Variants in SNRPN observed in about 807,000 individuals in gnomAD.
The protein encoded by SNRPN is small nuclear ribonucleoprotein polypeptide N.
In SNRPN, 7 loss-of-function variants were observed where a neutral mutation model predicts 25.2. That is an observed-to-expected ratio of 0.28 (90% CI 0.16 to 0.52). SNRPN has a LOEUF of 0.52. Ranked by LOEUF, SNRPN falls within the 20% of genes least tolerant of loss-of-function variation. The pLI, the probability that SNRPN is intolerant of heterozygous loss-of-function variation, is 0.96. For synonymous variants in SNRPN, 124 were observed against 110.6 expected (o/e 1.12, Z -0.76); for missense variants, 196 against 322.5 (o/e 0.61, Z 3.00).
chr15:24,868,579 G>A (rs984245478), intron 1 of SNRPN, among the ~76,000 whole-genome samples: 8 of 152,200 alleles, frequency 5.3e-5, no homozygotes, highest in Non-Finnish European at 8.8e-5. Context: ...ATGCAAGGTT[G>A]TGTTCACCAG....
At chr15:24,909,752 C>T (rs1378310581) in intron 2 of SNRPN, 19 of 1,269,784 alleles carry the variant, frequency 1.5e-5, no homozygotes, top group Non-Finnish European at 1.6e-5. Context: ...TTTACCCTCT[C>T]ATCATCGTCT....
intron 2 of SNRPN, among the ~76,000 whole-genome samples, chr15:24,891,626 T>C (rs1214584450): frequency 1.3e-5 from 2 of 152,202 alleles, no homozygotes; most frequent in African/African-American, 4.8e-5. Flanking sequence ...TTAGTAGAAA[T>C]GGTGTTTCAC....
At position 24,955,069 on chromosome 15, in the gene SNRPN, T is replaced by G; in HGVS notation, c.-391+7T>G. 1 of 1,613,570 alleles carries G rather than the reference T, an allele frequency of 6.2e-7. No homozygotes were observed. The highest frequency in any genetic ancestry group is 8.5e-7 in the Non-Finnish European group (1 of 1,180,016). The stretch of plus-strand genomic sequence containing the variant: ...ACGCGATGGAGCGGGCAAGGTCAGC[T>G]GTGCCGGTGGCTTCTCTCAAGAGAC... On this transcript the variant is annotated splice_region_variant and intron_variant, in intron 1 of 9. Transcript: ENST00000390687.
At chr15:24,938,236 C>T (rs1374365176) in intron 3 of SNRPN, among the ~76,000 whole-genome samples, 1 of 151,864 alleles carries the variant, frequency 6.6e-6, no homozygotes, top group Non-Finnish European at 1.5e-5. Flanking sequence ...GCTTGATTCT[C>T]CTGCCTCAGC....
In SNRPN at chr15:24,858,643, AT is replaced by A. The variant is rs2053667073; in HGVS notation, c.-579+1928del. Reference sequence around the variant, plus strand: ...AACCCTGTCTACTTAAAAAAAAAAAATACAAAAATTAGCCGGGCATGCTGAT... The same window carrying A: ...AACCCTGTCTACTTAAAAAAAAAAAAACAAAAATTAGCCGGGCATGCTGAT... On this transcript the variant is annotated intron_variant, in intron 1 of 11. Transcript: ENST00000400097. Among the ~76,000 whole-genome samples, 3 of 152,000 alleles carry A rather than the reference AT, an allele frequency of 2.0e-5. No homozygotes were observed. In the South Asian group the frequency reaches 6.2e-4, roughly 32 times the overall value.
At chr15:24,977,193 C>T (rs1241006461) in intron 7 of SNRPN, among the ~76,000 whole-genome samples, 164 bp downstream of exon 7, 1 of 152,194 alleles carries the variant, frequency 6.6e-6, no homozygotes, top group East Asian at 1.9e-4. Context: ...AAACTAGCTG[C>T]TTAAAATGGT....
intron 2 of SNRPN, among the ~76,000 whole-genome samples, chr15:24,888,890 A>AT (rs35423480): frequency 0.25 from 38,346 of 152,038 alleles, 5,230 homozygotes; most frequent in East Asian, 0.44. Context: ...TTTCTGTGAA[A>AT]TTTATGCATC....
chr15:24,834,751 C>CTCTATATATATATATATATA, intron 2 of SNRPN, among the ~76,000 whole-genome samples: 3 of 60,956 alleles, frequency 4.9e-5, no homozygotes, highest in Non-Finnish European at 9.9e-5. Context: ...CTCTCTCTCT[C>CTCTATATATATATATATATA]TATATATATA....
chr15:24,967,071 C>T (rs1347480069), intron 2 of SNRPN: 1 of 152,200 alleles, frequency 6.6e-6, no homozygotes, highest in Non-Finnish European at 1.5e-5. Context: ...ACGGCCTAAA[C>T]ATCTCCCTGC....
At chr15:24,881,522 A>C (rs2056602401) in intron 1 of SNRPN, among the ~76,000 whole-genome samples, 1 of 78,966 alleles carries the variant, frequency 1.3e-5, no homozygotes, top group African/African-American at 6.8e-5. Context: ...CAAGAGCGAA[A>C]CTCCGAGAGA....
At chr15:24,961,984 A>C (rs1013998654) in intron 1 of SNRPN, 130 bp from the exon 2 acceptor site, 6 of 857,908 alleles carry the variant, frequency 7.0e-6, no homozygotes, top group Non-Finnish European at 1.2e-5. Flanking sequence ...ATCTTGTAAT[A>C]ATTTTACCTT....
At chr15:24,894,271 C>T (rs147166559) in intron 2 of SNRPN, among the ~76,000 whole-genome samples, 2,993 of 151,590 alleles carry the variant, frequency 0.02, 44 homozygotes, top group Middle Eastern at 0.034. Context: ...CAGGCTGGAG[C>T]GCAGTGGTGT....
In SNRPN at chr15:24,978,393, T is replaced by C. The variant is rs756640450; in HGVS notation, c.686-14T>C. ...TGTATCCTCTTTTTCTCAATGTTTCTATTTCCTTTCCAGGTCCACCTCCCC... is the reference window on the plus strand; with the variant it reads ...TGTATCCTCTTTTTCTCAATGTTTCCATTTCCTTTCCAGGTCCACCTCCCC... On this transcript the variant is annotated splice_polypyrimidine_tract_variant and intron_variant, in intron 9 of 9. Coordinates refer to ENST00000390687, the MANE Select transcript of SNRPN (RefSeq NM_003097.6). The C allele has an allele frequency of 1.5e-5, 24 of 1,614,022 alleles. No homozygotes were observed. Among genetic ancestry groups the C allele is most frequent in the Non-Finnish European group, 1.8e-5 (21 of 1,179,984 alleles).
chr15:24,842,387 C>A (rs1301065847), intron 2 of SNRPN, among the ~76,000 whole-genome samples: 2 of 152,140 alleles, frequency 1.3e-5, no homozygotes, highest in African/African-American at 2.4e-5. Context: ...AAAGGATGCA[C>A]ATTTATTATT....
chr15:24,881,525 C>CTG (rs2056603134), intron 1 of SNRPN, among the ~76,000 whole-genome samples: 1 of 88,700 alleles, frequency 1.1e-5, no homozygotes, highest in African/African-American at 4.8e-5. Context: ...GAGCGAAACT[C>CTG]CGAGAGAGAG....
chr15:24,888,257 C>T (rs374628290), intron 2 of SNRPN, among the ~76,000 whole-genome samples: 24 of 151,864 alleles, frequency 1.6e-4, no homozygotes, highest in East Asian at 1.2e-3. Context: ...TACAGGTGTC[C>T]GCCACCATGT....
At chr15:24,900,029 G>A (rs936830866) in intron 2 of SNRPN, among the ~76,000 whole-genome samples, 1 of 152,184 alleles carries the variant, frequency 6.6e-6, no homozygotes, top group East Asian at 1.9e-4. Context: ...ATGACATGCA[G>A]TGGTATCACA....
chr15:24,962,083 A>G (rs779030659), intron 1 of SNRPN, 31 bp from the exon 2 acceptor site: 9 of 1,557,572 alleles, frequency 5.8e-6, no homozygotes, highest in Non-Finnish European at 8.0e-6. Context: ...GATGCAGTCT[A>G]CCAAACAAAT....
intron 1 of SNRPN, among the ~76,000 whole-genome samples, chr15:24,860,177 C>T (rs2147123139): frequency 6.6e-6 from 1 of 152,194 alleles, no homozygotes; most frequent in East Asian, 1.9e-4. Context: ...GGATTTCAGT[C>T]CTCCATACAG....
Sources: allele counts gnomAD v4.1 joint callset (sites outside exome capture counted in the v4.1 genomes callset), GRCh38; gene constraint gnomAD v4.1.1; transcripts MANE v1.5; gene names NCBI Gene and HGNC (gene_info 2026-07-23, HGNC 2026-07-21).